NRG3: variants seen among roughly 807,000 people sequenced by gnomAD.
The protein encoded by NRG3 is neuregulin 3.
Under a neutral mutation model 66.9 loss-of-function variants are expected in NRG3, and 31 were observed. The ratio of observed to expected loss-of-function variants is 0.46; its 90% CI spans 0.35 to 0.63. The LOEUF (loss-of-function observed/expected upper bound fraction) is 0.63. Ranked by LOEUF, NRG3 falls within the 20% of genes least tolerant of loss-of-function variation. The probability of loss-of-function intolerance (pLI) is 0.00; values close to 1 mark genes in which losing one functional copy is unlikely to be tolerated. For missense variants in NRG3, 910 were observed against 878.9 expected (o/e 1.04, Z -0.45); for synonymous variants, 393 against 359.4 (o/e 1.09, Z -1.06).
intron 1 of NRG3, among the ~76,000 whole-genome samples, chr10:81,898,560 C>T (rs986819925): frequency 2.0e-5 from 3 of 152,158 alleles, no homozygotes; most frequent in South Asian, 4.1e-4. Context: ...TAGTATGGGA[C>T]CCAGGGTTAT....
chr10:82,338,017 T>C (rs867622559), intron 1 of NRG3, among the ~76,000 whole-genome samples: 2 of 152,230 alleles, frequency 1.3e-5, no homozygotes, highest in Non-Finnish European at 2.9e-5. Flanking sequence ...CATGTACATA[T>C]GCTTCATGTG....
intron 2 of NRG3, among the ~76,000 whole-genome samples, chr10:82,403,386 TAATTATTTGCAAGATTCATTA>T (rs548461469): frequency 6.6e-6 from 1 of 152,308 alleles, no homozygotes; most frequent in Non-Finnish European, 1.5e-5. Context: ...TTGTGTCATT[TAATTATTTGCAAGATTCATTA>T]ATTGGCAACA....
chr10:82,339,025 G>A (rs1355478667), intron 1 of NRG3, among the ~76,000 whole-genome samples: 1 of 152,146 alleles, frequency 6.6e-6, no homozygotes, highest in Non-Finnish European at 1.5e-5. Context: ...GGGTGCACAG[G>A]ATGATACTTC....
At chr10:82,863,515 G>T (rs191825628) in intron 3 of NRG3, among the ~76,000 whole-genome samples, 1 of 152,312 alleles carries the variant, frequency 6.6e-6, no homozygotes, top group African/African-American at 2.4e-5. Context: ...GTCCTCTCCA[G>T]CATCTGTCGT....
intron 4 of NRG3, among the ~76,000 whole-genome samples, chr10:82,906,315 T>C (rs1046309695): frequency 2.0e-5 from 3 of 152,200 alleles, no homozygotes; most frequent in Non-Finnish European, 4.4e-5. Context: ...TCATAATTTA[T>C]ACTACTTTTC....
intron 3 of NRG3, among the ~76,000 whole-genome samples, chr10:82,780,681 A>C (rs1445940943): frequency 1.3e-5 from 2 of 152,032 alleles, no homozygotes; most frequent in Non-Finnish European, 2.9e-5. Context: ...AACAGTTTTA[A>C]TGACAGTTTA....
intron 1 of NRG3, among the ~76,000 whole-genome samples, chr10:82,159,745 A>T (rs776041170): frequency 6.6e-6 from 1 of 151,900 alleles, no homozygotes; most frequent in Non-Finnish European, 1.5e-5. Context: ...ACTTTGTGAG[A>T]TGCAGCAGAA....
At chr10:82,756,007 A>G (rs973884155) in intron 3 of NRG3, among the ~76,000 whole-genome samples, 2 of 152,036 alleles carry the variant, frequency 1.3e-5, no homozygotes, top group African/African-American at 4.8e-5. Context: ...TTCCTGATTT[A>G]CAGTCTCAGA....
intron 2 of NRG3, among the ~76,000 whole-genome samples, chr10:82,732,830 C>T (rs756701709): frequency 3.3e-5 from 5 of 152,168 alleles, no homozygotes; most frequent in South Asian, 2.1e-4. Context: ...AAATGCCAGA[C>T]GATCTTTCCA....
chr10:82,658,484 T>C (rs138101400), intron 2 of NRG3, among the ~76,000 whole-genome samples: 1 of 152,248 alleles, frequency 6.6e-6, no homozygotes, highest in Non-Finnish European at 1.5e-5. Flanking sequence ...AGATCAGGAT[T>C]CAGACAATAT....
At chr10:82,532,404 T>C (rs2820965) in intron 2 of NRG3, among the ~76,000 whole-genome samples, 51,482 of 149,922 alleles carry the variant, frequency 0.34, 10,053 homozygotes, top group African/African-American at 0.54. Flanking sequence ...ACTATATATA[T>C]AGTACAATAC....
intron 3 of NRG3, among the ~76,000 whole-genome samples, chr10:82,747,149 C>A (rs1371283801): frequency 6.6e-6 from 1 of 152,034 alleles, no homozygotes; most frequent in Non-Finnish European, 1.5e-5. Flanking sequence ...GTAACTTCTA[C>A]TTCCCACTCA....
chr10:81,875,798 G>A lies in NRG3; in HGVS notation c.458G>A (p.Arg153Gln). 1 of 1,610,234 alleles carries A rather than the reference G, an allele frequency of 6.2e-7. No homozygotes were observed. Among genetic ancestry groups the A allele is most frequent in the South Asian group, 1.1e-5 (1 of 91,076 alleles). ...GGAASSRTPN[R>Q]ISTRLTTITR... ...GCCGCCTCCTCCAGGACGCCCAACC[G>A]GATTAGCACTCGCCTGACCACCATC... Residue 153 changes from arginine to glutamine, a missense_variant, in exon 1 of 9, where the codon CGG becomes CAG. By Grantham distance (43) the Arg-to-Gln change is conservative (BLOSUM62 1). Transcript: ENST00000372141. This position sits in a 1 kb window ranked among gnomAD's most constrained non-coding sequence, Gnocchi z 5.3.
intron 1 of NRG3, among the ~76,000 whole-genome samples, chr10:82,221,414 C>A (rs1336294): frequency 2.6e-5 from 4 of 152,084 alleles, no homozygotes; most frequent in Admixed American, 6.5e-5. Context: ...TTCCAGCCCC[C>A]CTCCATAATG....
chr10:82,619,213 G>C (rs918119931), intron 2 of NRG3, among the ~76,000 whole-genome samples: 4 of 152,128 alleles, frequency 2.6e-5, no homozygotes, highest in African/African-American at 9.7e-5. Flanking sequence ...AAAATGCAGT[G>C]TAAAAAATAA....
chr10:82,743,999 C>G (rs1239145669), intron 3 of NRG3, among the ~76,000 whole-genome samples: 4 of 152,098 alleles, frequency 2.6e-5, no homozygotes, highest in African/African-American at 9.7e-5. Flanking sequence ...TGTGGTGTGG[C>G]CTTTGGCAAA....
At chr10:82,122,296 C>G (rs1328910638) in intron 1 of NRG3, among the ~76,000 whole-genome samples, 1 of 152,124 alleles carries the variant, frequency 6.6e-6, no homozygotes, top group Non-Finnish European at 1.5e-5. Context: ...TCAGAAATCC[C>G]ATCATTTTAG....
chr10:82,481,754 G>A (rs749252549), intron 2 of NRG3, among the ~76,000 whole-genome samples: 8 of 152,116 alleles, frequency 5.3e-5, no homozygotes, highest in African/African-American at 1.7e-4. Flanking sequence ...GGAGGCCGAG[G>A]CAGGCGGATC....
chr10:82,849,060 A>G (rs1485250963), intron 3 of NRG3, among the ~76,000 whole-genome samples: 2 of 152,134 alleles, frequency 1.3e-5, no homozygotes, highest in Admixed American at 1.3e-4. Context: ...TTATTTGGAG[A>G]TGGAGGTCTT....
Sources: gnomAD v4.1 joint callset for allele counts (sites outside exome capture counted in the v4.1 genomes callset) on GRCh38, gnomAD v4.1.1 for gene constraint, Gnocchi (gnomAD v3.1) non-coding constraint, MANE v1.5 for transcripts, NCBI Gene and HGNC (gene_info 2026-07-23, HGNC 2026-07-21) for gene names.